ZNF385D: variants seen among roughly 807,000 people sequenced by gnomAD.
The protein encoded by ZNF385D is zinc finger protein 659.
A neutral mutation model predicts 35.8 loss-of-function variants in ZNF385D; 15 were observed. The ratio of observed to expected loss-of-function variants is 0.42; its 90% CI spans 0.28 to 0.64. ZNF385D has a LOEUF of 0.64. Ranked by LOEUF, ZNF385D falls within the 30% of genes least tolerant of loss-of-function variation. The pLI, the probability that ZNF385D is intolerant of heterozygous loss-of-function variation, is 0.23. For synonymous variants in ZNF385D, 212 were observed against 186.8 expected (o/e 1.13, Z -1.10); for missense variants, 474 against 494.6 (o/e 0.96, Z 0.39).
chr3:21,801,693 G>C (rs2072410870), intron 3 of ZNF385D, among the ~76,000 whole-genome samples: 1 of 152,148 alleles, frequency 6.6e-6, no homozygotes, highest in Admixed American at 6.5e-5. Flanking sequence ...ATATGGCTTA[G>C]GGAACTACTG....
intron 3 of ZNF385D, among the ~76,000 whole-genome samples, chr3:21,969,589 T>C (rs1399809271): frequency 2.9e-4 from 44 of 152,226 alleles, no homozygotes; most frequent in Admixed American, 2.9e-3. Context: ...GCCCTGGTCC[T>C]GGATGACATC....
At chr3:21,671,042 A>G (rs761145747) in intron 1 of ZNF385D, among the ~76,000 whole-genome samples, 2 of 152,042 alleles carry the variant, frequency 1.3e-5, no homozygotes, top group Non-Finnish European at 2.9e-5. Context: ...TAACATCGCC[A>G]TTTTTTGAAC....
rs151185506 is a variant in ZNF385D at position 21,471,295 on chromosome 3, T to TCA, written c.440-34094_440-34093dup. On this transcript the variant is annotated intron_variant, in intron 4 of 7. Coordinates refer to ENST00000281523, the MANE Select transcript of ZNF385D (RefSeq NM_024697.3). Reference sequence around the variant, plus strand: ...CTCTTTCTCTCTCTCTCTCTCTCTCTCACACACACACACACACACACACAC... The same window carrying TCA: ...CTCTTTCTCTCTCTCTCTCTCTCTCTCACACACACACACACACACACACACAC... Among the ~76,000 whole-genome samples, 398 of 86,236 alleles carry TCA rather than the reference T, an allele frequency of 4.6e-3. 1 individual carries two copies. The highest frequency in any genetic ancestry group is 0.023 in the South Asian group (49 of 2,158). The allele number at this position is 86,236 out of a possible 152,430, so 56.6% of individuals were successfully genotyped here. A position where few individuals can be genotyped will look rare whatever the true frequency, so the allele number is the denominator to read the frequency against.
At chr3:22,089,649 T>C (rs993681217) in intron 3 of ZNF385D, among the ~76,000 whole-genome samples, 1 of 152,148 alleles carries the variant, frequency 6.6e-6, no homozygotes, top group Non-Finnish European at 1.5e-5. Flanking sequence ...GAGGTTTGGA[T>C]CTCTGCCCTG....
intron 3 of ZNF385D, among the ~76,000 whole-genome samples, chr3:21,883,021 G>T (rs1465962833): frequency 6.6e-6 from 1 of 151,922 alleles, no homozygotes; most frequent in Non-Finnish European, 1.5e-5. Context: ...ATCATTCTGA[G>T]AAAATATTGA....
At chr3:21,781,539 A>G (rs2071487755) in intron 3 of ZNF385D, among the ~76,000 whole-genome samples, 1 of 152,056 alleles carries the variant, frequency 6.6e-6, no homozygotes, top group Non-Finnish European at 1.5e-5. Context: ...CTTTATGGAA[A>G]GCTTTTTTGA....
At chr3:22,302,234 C>T (rs939927181) in intron 2 of ZNF385D, among the ~76,000 whole-genome samples, 5 of 152,052 alleles carry the variant, frequency 3.3e-5, no homozygotes, top group Non-Finnish European at 7.4e-5. Context: ...TAACCACCAG[C>T]TACCTAGGAT....
intron 3 of ZNF385D, among the ~76,000 whole-genome samples, chr3:22,015,907 A>T (rs1009555197): frequency 1.3e-5 from 2 of 152,040 alleles, no homozygotes; most frequent in Non-Finnish European, 2.9e-5. Flanking sequence ...CACGTTCCTG[A>T]AAAAAAGACA....
At chr3:22,152,829 T>C (rs531100400) in intron 3 of ZNF385D, among the ~76,000 whole-genome samples, 1 of 152,254 alleles carries the variant, frequency 6.6e-6, no homozygotes, top group East Asian at 1.9e-4. Flanking sequence ...GAGTATTATT[T>C]GGTCTACCAC....
intron 1 of ZNF385D, among the ~76,000 whole-genome samples, chr3:21,705,282 C>T (rs2067854706): frequency 6.6e-6 from 1 of 152,190 alleles, no homozygotes; most frequent in South Asian, 2.1e-4. Context: ...AGAAGGCACA[C>T]TTAGTAAATA....
chr3:22,210,238 A>C (rs1045997800), intron 2 of ZNF385D, among the ~76,000 whole-genome samples: 2 of 151,908 alleles, frequency 1.3e-5, no homozygotes, highest in Admixed American at 6.6e-5. Context: ...TGTTAAACAC[A>C]TATCATTTTT....
chr3:22,067,954 A>G (rs942954304), intron 3 of ZNF385D, among the ~76,000 whole-genome samples: 5 of 152,034 alleles, frequency 3.3e-5, no homozygotes, highest in Admixed American at 6.6e-5. Flanking sequence ...CAGAGGTTGC[A>G]GTGAGCCGAG....
At chr3:21,995,217 GTGGTA>G (rs1223612389) in intron 3 of ZNF385D, among the ~76,000 whole-genome samples, 1 of 152,230 alleles carries the variant, frequency 6.6e-6, no homozygotes, top group African/African-American at 2.4e-5. Context: ...GGTAGCATAT[GTGGTA>G]GGGGCCAATG....
intron 4 of ZNF385D, among the ~76,000 whole-genome samples, chr3:21,478,774 C>G (rs161197): frequency 0.76 from 115,750 of 151,680 alleles, 44,588 homozygotes; most frequent in East Asian, 0.89. Flanking sequence ...AAGTTTATGA[C>G]TATCTTCCAT....
At chr3:21,960,502 A>T (rs971729372) in intron 3 of ZNF385D, among the ~76,000 whole-genome samples, 1 of 152,150 alleles carries the variant, frequency 6.6e-6, no homozygotes, top group African/African-American at 2.4e-5. Flanking sequence ...TGTAATTAGG[A>T]CAGCCATTAG....
intron 3 of ZNF385D, among the ~76,000 whole-genome samples, chr3:22,151,624 C>T (rs539246028): frequency 6.6e-6 from 1 of 152,206 alleles, no homozygotes; most frequent in South Asian, 2.1e-4. Context: ...TCAGTGTTTG[C>T]TCTATTAAGG....
At chr3:22,199,891 C>A (rs1048703052) in intron 2 of ZNF385D, among the ~76,000 whole-genome samples, 2 of 152,002 alleles carry the variant, frequency 1.3e-5, no homozygotes, top group African/African-American at 4.8e-5. Context: ...GAGACCCAAA[C>A]AATAACAATA....
chr3:22,030,280 T>TACAC (rs1559316525), intron 3 of ZNF385D, among the ~76,000 whole-genome samples: 1 of 112,788 alleles, frequency 8.9e-6, no homozygotes, highest in South Asian at 2.9e-4. Context: ...TATATATATA[T>TACAC]ATATATATAT....
chr3:22,255,910 G>T (rs1362435469), intron 2 of ZNF385D, among the ~76,000 whole-genome samples: 1 of 151,406 alleles, frequency 6.6e-6, no homozygotes, highest in Non-Finnish European at 1.5e-5. Context: ...TGTCTGTGAG[G>T]GTGTTTCCAA....
Sources: allele counts gnomAD v4.1 joint callset (sites outside exome capture counted in the v4.1 genomes callset), GRCh38; gene constraint gnomAD v4.1.1; transcripts MANE v1.5; gene names NCBI Gene and HGNC (gene_info 2026-07-23, HGNC 2026-07-21).